Variants in AGAP1 observed in about 807,000 individuals in gnomAD.
AGAP1 encodes arf-GAP with GTPase, ANK repeat and PH domain-containing protein 1.
A neutral mutation model predicts 105.3 loss-of-function variants in AGAP1; 29 were observed. The ratio of observed to expected loss-of-function variants is 0.28; its 90% CI spans 0.21 to 0.38. AGAP1 has a LOEUF of 0.38. AGAP1 is among the 10% of genes least tolerant of loss of function. The pLI is 1.00. For synonymous variants in AGAP1, 509 were observed against 485.9 expected (o/e 1.05, Z -0.63); for missense variants, 998 against 1,165.1 (o/e 0.86, Z 2.09).
chr2:235,669,507 G>A (rs1001691128), intron 1 of AGAP1: 2 of 149,672 alleles, frequency 1.3e-5, no homozygotes, highest in East Asian at 1.9e-4. Context: ...GCTCGCCGCC[G>A]CCGCCGCCGC....
chr2:235,762,438 C>CTG (rs59842826), intron 6 of AGAP1, among the ~76,000 whole-genome samples: 42,451 of 151,866 alleles, frequency 0.28, 6,224 homozygotes, highest in Admixed American at 0.41. Flanking sequence ...GTTCTGGAAT[C>CTG]GGGTGAGTTT....
intron 2 of AGAP1, 54 bp from the exon 3 acceptor site, chr2:235,717,503 A>G (rs1575214695): frequency 6.7e-7 from 1 of 1,492,892 alleles, no homozygotes; most frequent in Non-Finnish European, 9.1e-7. Context: ...GTATTTGCAA[A>G]ATGCCAAATA....
Position 235,663,779 on chromosome 2 carries a change from CT to C in AGAP1, c.164-45397del, listed in dbSNP as rs142074549. Among the ~76,000 whole-genome samples the C allele has an allele frequency of 4.5e-3, 692 of 152,268 alleles. 7 individuals carry two copies. Among genetic ancestry groups the C allele is most frequent in the African/African-American group, 0.016 (662 of 41,566 alleles). ...AGAATCCAAATCCGACTTCCCTGTG[CT>C]TTGAGAAGGAATGTCTGCATGAAGA... is the stretch of plus-strand genomic sequence containing the variant. On this transcript the variant is annotated intron_variant, in intron 1 of 17. Transcript: ENST00000304032. This position sits in a 1 kb window ranked among gnomAD's most constrained non-coding sequence, Gnocchi z 5.4.
intron 1 of AGAP1, among the ~76,000 whole-genome samples, chr2:235,671,859 C>A (rs537827555): frequency 6.6e-6 from 1 of 152,272 alleles, no homozygotes; most frequent in East Asian, 1.9e-4. Context: ...AATCAGTTAA[C>A]CTTTTGGTAG....
rs117443757 is a variant in AGAP1 at position 235,610,924 on chromosome 2, C to T, written c.164-98255C>T. Among the ~76,000 whole-genome samples the T allele has an allele frequency of 3.3e-5, 5 of 152,242 alleles. No individual in the cohort carries two copies. In the East Asian group the frequency reaches 9.6e-4, roughly 29 times the overall value. On this transcript the variant is annotated intron_variant, in intron 1 of 17. Coordinates refer to ENST00000304032, the MANE Select transcript of AGAP1 (RefSeq NM_001037131.3). This position sits in a 1 kb window ranked among gnomAD's most constrained non-coding sequence, Gnocchi z 4.9. Reference sequence around the variant, plus strand: ...CCTGTCCTCTGCCTGTAATCCTTTTCAGCCCCTCTGAAGAGCGGCCCAGTA... The same window carrying T: ...CCTGTCCTCTGCCTGTAATCCTTTTTAGCCCCTCTGAAGAGCGGCCCAGTA...
At chr2:236,041,265 GA>G (rs1191762285) in intron 15 of AGAP1, among the ~76,000 whole-genome samples, 1 of 89,028 alleles carries the variant, frequency 1.1e-5, no homozygotes, top group East Asian at 2.8e-4. Flanking sequence ...ATCACTTGTT[GA>G]TTTTTTTTTT....
At position 235,936,367 on chromosome 2, in the gene AGAP1, A is replaced by G. The variant is rs1052838416; in HGVS notation, c.1483+5444A>G. On this transcript the variant is annotated intron_variant, in intron 12 of 17. Transcript: ENST00000304032. The surrounding 1 kb of genome is among the most constrained non-coding windows in gnomAD (Gnocchi z 4.7). ...GGCCACGTAATCATTATATCTTTCC[A>G]GTAGACTCTGTGGTTATAAAGCAGC... Among the ~76,000 whole-genome samples, 1 of 152,168 alleles carries G rather than the reference A, an allele frequency of 6.6e-6. No homozygotes were observed. Among genetic ancestry groups the G allele is most frequent in the African/African-American group, 2.4e-5 (1 of 41,430 alleles).
chr2:235,969,075 C>T (rs1014196828), intron 13 of AGAP1, among the ~76,000 whole-genome samples: 3 of 152,194 alleles, frequency 2.0e-5, no homozygotes, highest in South Asian at 2.1e-4. Context: ...CTTTTAGCAA[C>T]GTGTTATGAT....
chr2:235,963,456 G>C lies in AGAP1; in HGVS notation c.1484-5006G>C, dbSNP rs1248567253. 6.6e-6 allele frequency among the ~76,000 whole-genome samples: 1 copy of C among 152,190 alleles called. No homozygotes were observed. Among genetic ancestry groups the C allele is most frequent in the Non-Finnish European group, 1.5e-5 (1 of 68,024 alleles). On this transcript the variant is annotated intron_variant, in intron 12 of 17. Transcript: ENST00000304032. This position sits in a 1 kb window ranked among gnomAD's most constrained non-coding sequence, Gnocchi z 5.1. ...TTGAACAGAGGTAGTTTATTAAAGA[G>C]AATGAATAGACATCAAATAGATGGC...
Position 235,535,805 on chromosome 2 carries a change from G to T in AGAP1, c.163+40956G>T, listed in dbSNP as rs919749492. On this transcript the variant is annotated intron_variant, in intron 1 of 17. Coordinates refer to ENST00000304032, the MANE Select transcript of AGAP1 (RefSeq NM_001037131.3). The surrounding 1 kb of genome is among the most constrained non-coding windows in gnomAD (Gnocchi z 5.1). ...GCTCAGTCTCTGCATAGCCCGGCAG[G>T]CAGCGGCTCTGCTTTCCAGAACCTT... Among the ~76,000 whole-genome samples, 6 of 151,998 alleles carry T rather than the reference G, an allele frequency of 3.9e-5. No individual in the cohort carries two copies. The highest frequency in any genetic ancestry group is 1.4e-4 in the African/African-American group (6 of 41,386).
intron 10 of AGAP1, among the ~76,000 whole-genome samples, chr2:235,895,084 A>T (rs1283382798): frequency 6.6e-6 from 1 of 152,186 alleles, no homozygotes. Flanking sequence ...CTTGCAGACC[A>T]TACTCCCCTG....
chr2:235,650,269 G>A, intron 1 of AGAP1, among the ~76,000 whole-genome samples: 1 of 152,272 alleles, frequency 6.6e-6, no homozygotes, highest in Admixed American at 6.5e-5. Context: ...GCTGAGACAG[G>A]AAAAATCACT....
intron 13 of AGAP1, among the ~76,000 whole-genome samples, chr2:236,034,836 A>G (rs2057331140): frequency 6.6e-6 from 1 of 152,202 alleles, no homozygotes; most frequent in Non-Finnish European, 1.5e-5. Flanking sequence ...CTAGGGAGTC[A>G]CAGACCACTG....
In AGAP1 at chr2:235,911,697, A is replaced by G. The variant is rs552241702; in HGVS notation, c.1324+2791A>G. On this transcript the variant is annotated intron_variant, in intron 11 of 17. Coordinates refer to ENST00000304032, the MANE Select transcript of AGAP1 (RefSeq NM_001037131.3). ...TGTGTGTCCTTGGAAGGCATTTCCCATTGCCCAGTTTCATTCTCTTTAAGA... is the reference window on the plus strand; with the variant it reads ...TGTGTGTCCTTGGAAGGCATTTCCCGTTGCCCAGTTTCATTCTCTTTAAGA... Among the ~76,000 whole-genome samples the G allele has an allele frequency of 8.5e-5, 13 of 152,312 alleles. No homozygotes were observed. In the East Asian group the frequency reaches 2.5e-3, roughly 29 times the overall value.
Position 236,089,259 on chromosome 2 carries a change from G to A in AGAP1, c.2115-30933G>A, listed in dbSNP as rs933953299. On this transcript the variant is annotated intron_variant, in intron 16 of 17. Transcript: ENST00000304032. This position sits in a 1 kb window ranked among gnomAD's most constrained non-coding sequence, Gnocchi z 5.6. ...AAAATAAAAAGTTAAAGTCAGTCTA[G>A]TCAATTGCTTTAACACAAAGAGCAA... Among the ~76,000 whole-genome samples the A allele has an allele frequency of 6.6e-6, 1 of 152,208 alleles. No individual in the cohort carries two copies. The highest frequency in any genetic ancestry group is 2.4e-5 in the African/African-American group (1 of 41,452).
intron 1 of AGAP1, among the ~76,000 whole-genome samples, chr2:235,624,362 G>A (rs772008427): frequency 3.9e-5 from 6 of 152,052 alleles, no homozygotes; most frequent in Non-Finnish European, 5.9e-5. Flanking sequence ...TCTTTCCTCC[G>A]CTACTTCTGT....
intron 1 of AGAP1, among the ~76,000 whole-genome samples, chr2:235,678,740 C>A (rs1210200084): frequency 2.6e-5 from 4 of 152,036 alleles, no homozygotes; most frequent in African/African-American, 4.8e-5. Flanking sequence ...GCCTCCCTCC[C>A]GCCCCCACCT....
chr2:236,063,685 C>T (rs1189193959), intron 16 of AGAP1, among the ~76,000 whole-genome samples: 2 of 152,314 alleles, frequency 1.3e-5, no homozygotes, highest in Non-Finnish European at 2.9e-5. Context: ...GTGACTGGGT[C>T]ACTGGGCTTT....
intron 9 of AGAP1, among the ~76,000 whole-genome samples, chr2:235,857,941 G>A (rs2048757672): frequency 6.6e-6 from 1 of 152,094 alleles, no homozygotes; most frequent in African/African-American, 2.4e-5. Flanking sequence ...TTATACCCAG[G>A]GCTGCTTCCT....
Sources: allele counts gnomAD v4.1 joint callset (sites outside exome capture counted in the v4.1 genomes callset), GRCh38; gene constraint gnomAD v4.1.1; non-coding constraint Gnocchi (gnomAD v3.1); transcripts MANE v1.5; gene names NCBI Gene and HGNC (gene_info 2026-07-23, HGNC 2026-07-21).